IGF1R: variants seen among roughly 807,000 people sequenced by gnomAD.
The protein encoded by IGF1R is insulin like growth factor 1 receptor, also known as insulin-like growth factor 1 receptor.
In IGF1R, 44 loss-of-function variants were observed where a neutral mutation model predicts 144.6. That is an observed-to-expected ratio of 0.30 (90% CI 0.24 to 0.39). The LOEUF is 0.39. Among genes scored for constraint, IGF1R ranks in the 10% least tolerant of loss-of-function variants. The pLI is 1.00. For synonymous variants in IGF1R, 795 were observed against 722.8 expected (o/e 1.10, Z -1.60); for missense variants, 1,355 against 1,833.7 (o/e 0.74, Z 4.77).
chr15:98,865,101 A>G (rs181819726), intron 2 of IGF1R, among the ~76,000 whole-genome samples: 1 of 152,214 alleles, frequency 6.6e-6, no homozygotes, highest in African/African-American at 2.4e-5. Flanking sequence ...ACCAAAGAGG[A>G]CTCCTTACAG....
At chr15:98,798,530 G>A (rs913923128) in intron 2 of IGF1R, among the ~76,000 whole-genome samples, 1 of 152,210 alleles carries the variant, frequency 6.6e-6, no homozygotes, top group Non-Finnish European at 1.5e-5. Context: ...AGACCAGTAG[G>A]AGTAGGCTGT....
chr15:98,945,452 G>C (rs1567215438), intron 19 of IGF1R, among the ~76,000 whole-genome samples: 1 of 152,224 alleles, frequency 6.6e-6, no homozygotes, highest in Non-Finnish European at 1.5e-5. Flanking sequence ...GGGAAACAAC[G>C]TCAAGGTTCC....
At chr15:98,873,298 A>G (rs1389649406) in intron 2 of IGF1R, among the ~76,000 whole-genome samples, 3 of 152,138 alleles carry the variant, frequency 2.0e-5, no homozygotes, top group Non-Finnish European at 4.4e-5. Flanking sequence ...AAAATCTCCA[A>G]TAAGTTTAGG....
At chr15:98,730,147 C>CT (rs543548392) in intron 2 of IGF1R, among the ~76,000 whole-genome samples, 30 of 152,174 alleles carry the variant, frequency 2.0e-4, no homozygotes, top group African/African-American at 7.2e-4. Flanking sequence ...ATTCTAATGT[C>CT]TGAGTGTACC....
chr15:98,950,816 G>T (rs937182592), intron 20 of IGF1R, among the ~76,000 whole-genome samples: 5 of 152,146 alleles, frequency 3.3e-5, no homozygotes, highest in Non-Finnish European at 7.4e-5. Context: ...ATTTACACCA[G>T]GGGCAACGAT....
In IGF1R at chr15:98,727,905, C is replaced by T. The variant is rs538228228; in HGVS notation, c.640+19798C>T. On this transcript the variant is annotated intron_variant, in intron 2 of 20. Coordinates refer to ENST00000650285, the MANE Select transcript of IGF1R (RefSeq NM_000875.5). ...CTGGAAAGTTCTCCAGTCCCTGTTG[C>T]AGATCTGGCCTGCCGACTCAAAGTA... Among the ~76,000 whole-genome samples, 20 of 151,758 alleles carry T rather than the reference C, an allele frequency of 1.3e-4. 1 individual carries two copies. In the South Asian group the frequency reaches 1.5e-3, roughly 11 times the overall value.
At chr15:98,824,985 C>G (rs764740259) in intron 2 of IGF1R, among the ~76,000 whole-genome samples, 1 of 151,926 alleles carries the variant, frequency 6.6e-6, no homozygotes. Context: ...TACAGGCACG[C>G]GCCATCACAC....
At chr15:98,822,636 T>G (rs1212446781) in intron 2 of IGF1R, among the ~76,000 whole-genome samples, 1 of 152,210 alleles carries the variant, frequency 6.6e-6, no homozygotes, top group African/African-American at 2.4e-5. Flanking sequence ...ATGAGGAAGC[T>G]TTTTCCTTTG....
chr15:98,852,879 C>G (rs1004937585), intron 2 of IGF1R, among the ~76,000 whole-genome samples: 1 of 152,226 alleles, frequency 6.6e-6, no homozygotes, highest in African/African-American at 2.4e-5. Flanking sequence ...TGGCTTTCTT[C>G]TCTTCCATCT....
At chr15:98,706,130 C>T (rs1400535231) in intron 1 of IGF1R, among the ~76,000 whole-genome samples, 1 of 152,224 alleles carries the variant, frequency 6.6e-6, no homozygotes, top group African/African-American at 2.4e-5. Context: ...TGTGTGCACA[C>T]CACTGACCAC....
At chr15:98,890,024 A>G (rs2013827867) in intron 2 of IGF1R, among the ~76,000 whole-genome samples, 1 of 152,262 alleles carries the variant, frequency 6.6e-6, no homozygotes, top group African/African-American at 2.4e-5. Flanking sequence ...AATAAATGCC[A>G]GCTCATGCAT....
At chr15:98,732,008 C>T (rs941822663) in intron 2 of IGF1R, among the ~76,000 whole-genome samples, 2 of 152,150 alleles carry the variant, frequency 1.3e-5, no homozygotes, top group African/African-American at 2.4e-5. Context: ...GTGCAGCATT[C>T]GTATTCAGCA....
chr15:98,776,386 A>C (rs1365149618), intron 2 of IGF1R, among the ~76,000 whole-genome samples: 1 of 151,960 alleles, frequency 6.6e-6, no homozygotes, highest in Non-Finnish European at 1.5e-5. Context: ...GGGTTTTGCC[A>C]TGTTGGCCAG....
At chr15:98,925,640 C>A (rs561829717) in intron 13 of IGF1R, among the ~76,000 whole-genome samples, 11 of 152,346 alleles carry the variant, frequency 7.2e-5, no homozygotes, top group African/African-American at 2.4e-4. Flanking sequence ...CAGTGGCTCA[C>A]GCCTGTGATC....
chr15:98,916,261 G>GT (rs34536372), intron 9 of IGF1R, 130 bp downstream of exon 9: 145,734 of 540,424 alleles, frequency 0.27, 4,771 homozygotes, highest in Non-Finnish European at 0.29. Flanking sequence ...CTATCTTCTG[G>GT]TTTTTTTTTT....
chr15:98,803,559 G>A (rs2056408472), intron 2 of IGF1R, among the ~76,000 whole-genome samples: 1 of 138,614 alleles, frequency 7.2e-6, no homozygotes, highest in Non-Finnish European at 1.6e-5. Flanking sequence ...AGGCTGGAGT[G>A]CAGTGGTGCA....
chr15:98,649,525 C>CTTTTTTTTTT lies in IGF1R; in HGVS notation c.-42_-33dup, dbSNP rs544674838. On this transcript the variant is annotated 5_prime_UTR_variant, in exon 1 of 21. Coordinates refer to ENST00000650285, the MANE Select transcript of IGF1R (RefSeq NM_000875.5). ...TCATTTCCTTTTTTTCTTTTCTTTT[C>CTTTTTTTTTT]TTTTTTTTTTTTTTTTTTTTTTTTG... 2.9e-4 allele frequency: 209 copies of CTTTTTTTTTT among 726,124 alleles called. No homozygotes were observed. Among genetic ancestry groups the CTTTTTTTTTT allele is most frequent in the South Asian group, 6.2e-4 (35 of 56,204 alleles). 45.0% of individuals were successfully genotyped at this position (726,124 alleles called of 1,614,324 possible).
chr15:98,879,253 A>G (rs1478011501), intron 2 of IGF1R, among the ~76,000 whole-genome samples: 1 of 152,232 alleles, frequency 6.6e-6, no homozygotes, highest in Non-Finnish European at 1.5e-5. Flanking sequence ...TTCAGAGTAC[A>G]CTAGAATATT....
At chr15:98,942,393 T>C (rs1443716564) in intron 18 of IGF1R, among the ~76,000 whole-genome samples, 1 of 152,150 alleles carries the variant, frequency 6.6e-6, no homozygotes, top group Non-Finnish European at 1.5e-5. Context: ...GAGTGCAGTG[T>C]TGTGATCATG....
Sources: gnomAD v4.1 joint callset for allele counts (sites outside exome capture counted in the v4.1 genomes callset) on GRCh38, gnomAD v4.1.1 for gene constraint, MANE v1.5 for transcripts, NCBI Gene and HGNC (gene_info 2026-07-23, HGNC 2026-07-21) for gene names.